The following P2RX5 variants were observed in gnomAD, a reference collection of about 807,000 sequenced individuals.
P2RX5 encodes the protein P2X purinoceptor 5.
A neutral mutation model predicts 54.1 loss-of-function variants in P2RX5; 46 were observed. The ratio of observed to expected loss-of-function variants is 0.85; its 90% CI spans 0.67 to 1.09. The LOEUF is 1.09. Ranked by LOEUF, P2RX5 falls within the 50% of genes least tolerant of loss-of-function variation. The probability of loss-of-function intolerance (pLI) is 0.00; values close to 1 mark genes in which losing one functional copy is unlikely to be tolerated. For synonymous variants in P2RX5, 226 were observed against 226.4 expected (o/e 1.00, Z 0.02); for missense variants, 566 against 549.8 (o/e 1.03, Z -0.29).
intron 11 of P2RX5, 40 bp downstream of exon 11, chr17:3,679,550 G>C (rs1016556806): frequency 3.1e-6 from 5 of 1,590,532 alleles, no homozygotes; most frequent in Non-Finnish European, 4.3e-6. Flanking sequence ...CCTCTCTGCA[G>C]GACCCAGCTG....
chr17:3,690,931 G>A (rs534124633), intron 3 of P2RX5, 25 bp downstream of exon 3: 23 of 1,602,630 alleles, frequency 1.4e-5, no homozygotes, highest in East Asian at 6.7e-5. Flanking sequence ...CCACCCCCAC[G>A]CCAGGGCCCC....
chr17:3,674,346 A>G (rs1441502688), intron 11 of P2RX5, among the ~76,000 whole-genome samples: 1 of 151,870 alleles, frequency 6.6e-6, no homozygotes, highest in Non-Finnish European at 1.5e-5. Flanking sequence ...TACAAAAAAA[A>G]AAGCCAGTTT....
intron 11 of P2RX5, among the ~76,000 whole-genome samples, chr17:3,678,370 G>A (rs2050151592): frequency 1.3e-5 from 2 of 152,236 alleles, no homozygotes; most frequent in South Asian, 4.1e-4. Context: ...GGCAGCTGGA[G>A]CGTGGGCCTG....
the P2RX5 span, among the ~76,000 whole-genome samples, chr17:3,712,865 C>A: frequency 1.3e-5 from 2 of 152,140 alleles, no homozygotes; most frequent in Non-Finnish European, 2.9e-5. Context: ...ATTGCTGGAA[C>A]CCGGGAGGCG....
the P2RX5 span, among the ~76,000 whole-genome samples, chr17:3,720,823 T>A: frequency 6.6e-6 from 1 of 152,106 alleles, no homozygotes; most frequent in Non-Finnish European, 1.5e-5. Context: ...CCTCAGATGA[T>A]CTACCCACCT....
In P2RX5 at chr17:3,695,996, C is replaced by T. The variant is rs879029451; in HGVS notation, c.10G>A (p.Ala4Thr). Residue 4 changes from alanine to threonine, a missense_variant, in exon 1 of 12, where the codon GCG (alanine) becomes ACG (threonine). Ala to Thr is a moderately conservative substitution (Grantham distance 58). Coordinates refer to ENST00000225328, the MANE Select transcript of P2RX5 (RefSeq NM_002561.4). MGQ[A>T]GCKGLCLSLF... is the part of the protein sequence containing the mutation. ...GACAGGCAGAGCCCCTTGCAGCCCG[C>T]CTGCCCCATGGCGCGCTCTCAGCCG... The T allele has an allele frequency of 2.1e-5, 34 of 1,613,854 alleles. 1 individual carries two copies. The South Asian group carries it at 3.4e-4, about 16-fold the overall frequency.
chr17:3,679,504 G>A, intron 11 of P2RX5, 86 bp downstream of exon 11: 1 of 1,241,096 alleles, frequency 8.1e-7, no homozygotes, highest in Non-Finnish European at 1.2e-6. Flanking sequence ...GGGGTCCGCT[G>A]GAGCTGCCAG....
At chr17:3,723,823 G>A in the P2RX5 span, 1 of 1,561,876 alleles carries the variant, frequency 6.4e-7, no homozygotes, top group African/African-American at 1.4e-5. Flanking sequence ...CCCGGCCCTG[G>A]CGAGGTGCGC....
chr17:3,690,040 C>A (rs771829327), intron 6 of P2RX5, 30 bp downstream of exon 6: 2 of 1,599,306 alleles, frequency 1.3e-6, no homozygotes, highest in Admixed American at 3.3e-5. Flanking sequence ...CAAGGCCCAC[C>A]CGTGGCCCCC....
intron 11 of P2RX5, chr17:3,676,667 A>T: frequency 1.2e-6 from 1 of 849,258 alleles, no homozygotes; most frequent in Non-Finnish European, 1.4e-6. Context: ...CACACAGATC[A>T]CCTTGGAATC....
intron 9 of P2RX5, among the ~76,000 whole-genome samples, chr17:3,685,108 G>A (rs2050403557): frequency 6.6e-6 from 1 of 152,002 alleles, no homozygotes; most frequent in Admixed American, 6.5e-5. Flanking sequence ...CCCTCCCAAA[G>A]CACTGGGATT....
chr17:3,696,282 C>G (rs547546544), upstream of P2RX5: 117 of 252,322 alleles, frequency 4.6e-4, 1 homozygote, highest in African/African-American at 2.4e-3. Flanking sequence ...TCCTCCTCCT[C>G]CTCCTCCCCT....
At chr17:3,709,175 CT>C in the P2RX5 span, among the ~76,000 whole-genome samples, 5 of 152,176 alleles carry the variant, frequency 3.3e-5, no homozygotes, top group Admixed American at 3.3e-4. Context: ...TGGTCTCGAA[CT>C]CCTGACCTCA....
intron 2 of P2RX5, among the ~76,000 whole-genome samples, chr17:3,691,300 G>T (rs1379949361): frequency 1.3e-5 from 2 of 152,250 alleles, no homozygotes; most frequent in African/African-American, 4.8e-5. Context: ...CTGGCCAACT[G>T]TGAACAGGCT....
upstream of P2RX5, among the ~76,000 whole-genome samples, chr17:3,697,036 T>A (rs2143002730): frequency 6.6e-6 from 1 of 152,050 alleles, no homozygotes; most frequent in African/African-American, 2.4e-5. Flanking sequence ...CTGCAGCAGC[T>A]GCTGCAGGTT....
chr17:3,683,348 C>G (rs2050339346), intron 9 of P2RX5, among the ~76,000 whole-genome samples: 1 of 152,242 alleles, frequency 6.6e-6, no homozygotes, highest in African/African-American at 2.4e-5. Flanking sequence ...AACCCCAAAC[C>G]TAACCTTGAC....
the P2RX5 span, among the ~76,000 whole-genome samples, chr17:3,718,689 T>C: frequency 2.0e-4 from 31 of 152,294 alleles, no homozygotes; most frequent in African/African-American, 7.5e-4. Context: ...AAAGTATCAG[T>C]AAGTAAGAGG....
At chr17:3,717,059 CCTT>C in the P2RX5 span, 1 of 367,220 alleles carries the variant, frequency 2.7e-6, no homozygotes, top group Non-Finnish European at 5.0e-6. Context: ...GAGATTATGA[CCTT>C]CTGTTAAAGA....
upstream of P2RX5, among the ~76,000 whole-genome samples, chr17:3,699,942 G>T (rs1324043731): frequency 1.6e-5 from 2 of 126,864 alleles, no homozygotes; most frequent in African/African-American, 5.3e-5. Context: ...AAGAAAGAAA[G>T]AAAGAAAGAA....
Sources: allele counts gnomAD v4.1 joint callset (sites outside exome capture counted in the v4.1 genomes callset), GRCh38; gene constraint gnomAD v4.1.1; transcripts MANE v1.5; gene names NCBI Gene and HGNC (gene_info 2026-07-23, HGNC 2026-07-21).